LRRIQ1: variants seen among roughly 807,000 people sequenced by gnomAD.
LRRIQ1 encodes the protein leucine rich repeats and IQ motif containing 1, also known as leucine-rich repeat- and IQ domain-containing protein 1.
Under a neutral mutation model 211.9 loss-of-function variants are expected in LRRIQ1, and 210 were observed. The observed-to-expected ratio is 0.99, with a 90% CI of 0.89 to 1.11. LRRIQ1 has a LOEUF of 1.11. LRRIQ1 is among the 50% of genes most tolerant of loss of function. The probability of loss-of-function intolerance (pLI) is 0.00; values close to 1 mark genes in which losing one functional copy is unlikely to be tolerated. For missense variants in LRRIQ1, 2,136 were observed against 1,939.5 expected, an observed-to-expected ratio of 1.10 and a Z score of -1.90; for synonymous variants, 699 against 650.1, an observed-to-expected ratio of 1.08 and a Z score of -1.14.
chr12:85,086,762 A>G (rs1372983170), intron 11 of LRRIQ1, among the ~76,000 whole-genome samples: 64 of 152,010 alleles, frequency 4.2e-4, no homozygotes, highest in Non-Finnish European at 1.5e-5. Flanking sequence ...ACAACTAGAA[A>G]GTGACAGAGT....
In LRRIQ1 at chr12:85,136,031, A is replaced by G. The variant is rs543338397; in HGVS notation, c.4210-1819A>G. 2.6e-5 allele frequency among the ~76,000 whole-genome samples: 4 copies of G among 152,158 alleles called. No individual in the cohort carries two copies. The South Asian group carries it at 6.2e-4, about 24-fold the overall frequency. ...GTACATATTGATGTTTTGAAATTATAGTTAGGACTATAGGATTTTTACTTA... is the reference window on the plus strand; with the variant it reads ...GTACATATTGATGTTTTGAAATTATGGTTAGGACTATAGGATTTTTACTTA... On this transcript the variant is annotated intron_variant, in intron 18 of 26. Coordinates refer to ENST00000393217, the MANE Select transcript of LRRIQ1 (RefSeq NM_001079910.2).
chr12:85,191,047 G>A (rs559732053), intron 24 of LRRIQ1, among the ~76,000 whole-genome samples: 1 of 152,016 alleles, frequency 6.6e-6, no homozygotes, highest in South Asian at 2.1e-4. Context: ...TTTTAGTATA[G>A]TTTATGTCCA....
rs577612132 is a variant in LRRIQ1 at position 85,093,598 on chromosome 12, G to A, written c.2888-4757G>A. On this transcript the variant is annotated intron_variant, in intron 11 of 26. Transcript: ENST00000393217. ...TTTATTTTAGAAAACACCCACCACTGGCAGCACATTTCAGTAACACAAAAA... is the reference window on the plus strand; with the variant it reads ...TTTATTTTAGAAAACACCCACCACTAGCAGCACATTTCAGTAACACAAAAA... 7.2e-5 allele frequency among the ~76,000 whole-genome samples: 11 copies of A among 152,224 alleles called. No individual in the cohort carries two copies. The East Asian group carries it at 1.9e-3, about 27-fold the overall frequency.
chr12:85,157,769 G>T (rs1299967885), intron 23 of LRRIQ1, among the ~76,000 whole-genome samples: 2 of 151,798 alleles, frequency 1.3e-5, no homozygotes, highest in Admixed American at 1.3e-4. Context: ...AGAGAGAATG[G>T]GGTCTGAGTA....
In LRRIQ1 at chr12:85,153,140, T is replaced by C. The variant is rs746570427; in HGVS notation, c.4536T>C (p.Asn1512=). ...CTTCTTCAGAACACACACAATTTAATAGCAGGTAAGCTAAACTATTGTTTT... is the reference window on the plus strand; with the variant it reads ...CTTCTTCAGAACACACACAATTTAACAGCAGGTAAGCTAAACTATTGTTTT... ...NLSSSEHTQF[N]SRSENKTSSW... The change falls in exon 21 of 27, where the codon AAT becomes AAC. Residue 1512 remains asparagine (N), a synonymous_variant. Transcript: ENST00000393217. 3.4e-5 allele frequency: 54 copies of C among 1,585,260 alleles called. No individual in the cohort carries two copies. In the South Asian group the frequency reaches 5.8e-4, roughly 17 times the overall value.
At chr12:85,116,414 G>A (rs1056322704) in intron 15 of LRRIQ1, among the ~76,000 whole-genome samples, 1 of 152,130 alleles carries the variant, frequency 6.6e-6, no homozygotes, top group Admixed American at 6.5e-5. Context: ...AAAGTGCTGG[G>A]ATTACAGGCG....
chr12:85,170,927 T>C (rs1393342135), intron 24 of LRRIQ1, among the ~76,000 whole-genome samples: 1 of 152,020 alleles, frequency 6.6e-6, no homozygotes, highest in Non-Finnish European at 1.5e-5. Flanking sequence ...AAATAAATCA[T>C]CTCCAAAAAT....
intron 24 of LRRIQ1, among the ~76,000 whole-genome samples, chr12:85,223,549 C>T (rs991574690): frequency 1.3e-5 from 2 of 151,988 alleles, no homozygotes; most frequent in Admixed American, 6.6e-5. Context: ...CAATTTGTCC[C>T]TGAAATCCTC....
intron 15 of LRRIQ1, among the ~76,000 whole-genome samples, chr12:85,115,158 G>A (rs1250371088): frequency 1.3e-5 from 2 of 152,148 alleles, no homozygotes; most frequent in African/African-American, 4.8e-5. Context: ...TATTGGTTCA[G>A]CCCTTGATTA....
At chr12:85,084,510 A>G (rs1884614875) in intron 11 of LRRIQ1, among the ~76,000 whole-genome samples, 1 of 152,102 alleles carries the variant, frequency 6.6e-6, no homozygotes, top group African/African-American at 2.4e-5. Context: ...ATGTAAACTG[A>G]TATGTTTTCC....
intron 24 of LRRIQ1, among the ~76,000 whole-genome samples, chr12:85,204,956 C>T (rs1010129307): frequency 2.6e-5 from 4 of 152,090 alleles, no homozygotes; most frequent in African/African-American, 9.7e-5. Context: ...GACTCTGTGT[C>T]CCCGCCCAAA....
chr12:85,251,630 CATATCTAAA>C (rs1895946166), intron 1 of LRRIQ1, among the ~76,000 whole-genome samples: 1 of 151,704 alleles, frequency 6.6e-6, no homozygotes, highest in African/African-American at 2.4e-5. Flanking sequence ...TGGAGTAGAC[CATATCTAAA>C]TTTGAATTTG....
At chr12:85,038,999 A>T (rs1878530386) in intron 2 of LRRIQ1, among the ~76,000 whole-genome samples, 1 of 151,216 alleles carries the variant, frequency 6.6e-6, no homozygotes, top group Non-Finnish European at 1.5e-5. Flanking sequence ...GCTTTTTTTG[A>T]AAAAGAAAAT....
rs146312465 is a variant in LRRIQ1, at chr12:85,176,164, T to C, written c.4822+15450T>C. 3.5e-3 allele frequency among the ~76,000 whole-genome samples: 534 copies of C among 152,258 alleles called. 4 individuals carry two copies. The highest frequency in any genetic ancestry group is 0.012 in the African/African-American group (497 of 41,566). On this transcript the variant is annotated intron_variant, in intron 24 of 26. Coordinates refer to ENST00000393217, the MANE Select transcript of LRRIQ1 (RefSeq NM_001079910.2). ...CATGGAATGTTCTTCCCTTTGTTTG[T>C]ATCCTCTTTTATTTCCATGAGCAGT... is the stretch of plus-strand genomic sequence containing the variant.
At chr12:85,121,165 C>T (rs1887954874) in intron 15 of LRRIQ1, among the ~76,000 whole-genome samples, 1 of 151,864 alleles carries the variant, frequency 6.6e-6, no homozygotes, top group South Asian at 2.1e-4. Flanking sequence ...AAGATTTTTA[C>T]CTTTATAATC....
intron 15 of LRRIQ1, among the ~76,000 whole-genome samples, chr12:85,120,881 A>G (rs1039986457): frequency 2.6e-5 from 4 of 152,196 alleles, no homozygotes; most frequent in Admixed American, 6.5e-5. Context: ...GCTGAGCTTG[A>G]TGGAAAGCTC....
At chr12:85,065,232 T>C in intron 8 of LRRIQ1, 30 bp from the exon 9 acceptor site, 2 of 1,585,218 alleles carry the variant, frequency 1.3e-6, no homozygotes, top group Non-Finnish European at 1.7e-6. Context: ...TAAATAACAC[T>C]ACACACTCCA....
chr12:85,086,614 C>CT (rs71309514), intron 11 of LRRIQ1, among the ~76,000 whole-genome samples: 460 of 147,494 alleles, frequency 3.1e-3, no homozygotes, highest in African/African-American at 5.8e-3. Flanking sequence ...TATTTCTTTT[C>CT]TTTTTTTTTT....
chr12:85,119,673 G>T (rs1339570299), intron 15 of LRRIQ1, among the ~76,000 whole-genome samples: 1 of 152,068 alleles, frequency 6.6e-6, no homozygotes, highest in African/African-American at 2.4e-5. Flanking sequence ...CCAGCATTTG[G>T]TATTGTCAGT....
Sources: allele counts gnomAD v4.1 joint callset (sites outside exome capture counted in the v4.1 genomes callset), GRCh38; gene constraint gnomAD v4.1.1; transcripts MANE v1.5; gene names NCBI Gene and HGNC (gene_info 2026-07-23, HGNC 2026-07-21).